Variants in MET observed in about 807,000 individuals in gnomAD.
The protein encoded by MET is hepatocyte growth factor receptor.
A neutral mutation model predicts 133.1 loss-of-function variants in MET; 48 were observed. The ratio of observed to expected loss-of-function variants is 0.36; its 90% CI spans 0.29 to 0.46. MET has a LOEUF of 0.46. MET is among the 20% of genes least tolerant of loss of function. The probability of loss-of-function intolerance (pLI) is 1.00; values close to 1 mark genes in which losing one functional copy is unlikely to be tolerated. For synonymous variants in MET, 628 were observed against 616.5 expected (o/e 1.02, Z -0.28); for missense variants, 1,442 against 1,695.9 (o/e 0.85, Z 2.63).
chr7:116,692,729 A>G (rs1796816601), intron 1 of MET, among the ~76,000 whole-genome samples: 1 of 152,206 alleles, frequency 6.6e-6, no homozygotes, highest in Non-Finnish European at 1.5e-5. Flanking sequence ...TGCCATTGAG[A>G]TGATCACTCC....
In MET at chr7:116,740,986, G is replaced by A. The variant is rs779328011; in HGVS notation, c.1662G>A (p.Gly554=). The A allele has an allele frequency of 1.9e-6, 3 of 1,613,920 alleles. No homozygotes were observed. Among genetic ancestry groups the A allele is most frequent in the Non-Finnish European group, 2.5e-6 (3 of 1,180,012 alleles). The change falls in exon 5 of 21, where the codon GGG becomes GGA. Residue 554 remains glycine (G), a synonymous_variant. Transcript: ENST00000397752. The part of the protein sequence containing the change: ...KCVRSEECLS[G]TWTQQICLPA... Reference sequence around the variant, plus strand: ...TGCGATCGGAGGAATGCCTGAGCGGGACATGGACTCAACAGATCTGTCTGC... The same window carrying A: ...TGCGATCGGAGGAATGCCTGAGCGGAACATGGACTCAACAGATCTGTCTGC...
At chr7:116,755,044 A>G (rs560159298) in intron 5 of MET, among the ~76,000 whole-genome samples, 26 of 143,656 alleles carry the variant, frequency 1.8e-4, no homozygotes, top group Admixed American at 2.8e-4. Flanking sequence ...AAGAAAGAAA[A>G]GAAAGAAAGA....
chr7:116,791,976 G>T (rs1348514662), intron 19 of MET, among the ~76,000 whole-genome samples: 1 of 152,118 alleles, frequency 6.6e-6, no homozygotes, highest in Non-Finnish European at 1.5e-5. Context: ...CATTTTTCTA[G>T]TCTGTGGATT....
At chr7:116,791,713 G>A (rs1019499355) in intron 19 of MET, among the ~76,000 whole-genome samples, 1 of 152,100 alleles carries the variant, frequency 6.6e-6, no homozygotes, top group African/African-American at 2.4e-5. Context: ...CACCCAGCCT[G>A]AAGTGCAGTG....
chr7:116,776,284 G>T (rs541087395), intron 15 of MET, among the ~76,000 whole-genome samples: 1 of 152,236 alleles, frequency 6.6e-6, no homozygotes, highest in East Asian at 1.9e-4. Flanking sequence ...GTAATCCTTT[G>T]TGTGCTCCTT....
intron 3 of MET, 127 bp from the exon 4 acceptor site, chr7:116,739,823 G>C (rs1793373294): frequency 7.7e-7 from 1 of 1,303,988 alleles, no homozygotes; most frequent in Non-Finnish European, 1.1e-6. Context: ...GAGGGGAACT[G>C]TTGGGTCTTC....
intron 14 of MET, among the ~76,000 whole-genome samples, chr7:116,774,599 A>G (rs1416923559): frequency 6.6e-6 from 1 of 152,206 alleles, no homozygotes; most frequent in Admixed American, 6.5e-5. Flanking sequence ...TCTTAAGGAC[A>G]TAGTATATTC....
intron 1 of MET, among the ~76,000 whole-genome samples, chr7:116,683,643 T>A (rs1796440800): frequency 6.6e-6 from 1 of 152,198 alleles, no homozygotes; most frequent in Admixed American, 6.5e-5. Flanking sequence ...GTCATTCAAC[T>A]CAAGCAGTCT....
intron 14 of MET, 113 bp from the exon 15 acceptor site, chr7:116,774,768 C>A (rs1393653506): frequency 3.7e-6 from 3 of 815,960 alleles, no homozygotes; most frequent in Non-Finnish European, 6.0e-6. Context: ...TATCTTTTCC[C>A]AATTTATTAT....
intron 1 of MET, among the ~76,000 whole-genome samples, chr7:116,691,559 C>T (rs1796779204): frequency 6.6e-6 from 1 of 152,198 alleles, no homozygotes; most frequent in South Asian, 2.1e-4. Context: ...AGAAATTTTA[C>T]TGGCTCGCCT....
chr7:116,774,699 T>C (rs563064456), intron 14 of MET, among the ~76,000 whole-genome samples, 182 bp from the exon 15 acceptor site: 1 of 152,328 alleles, frequency 6.6e-6, no homozygotes, highest in South Asian at 2.1e-4. Flanking sequence ...AATTAATACT[T>C]AGTCTACTTA....
At chr7:116,758,681 G>C (rs34986275) in intron 9 of MET, 61 bp downstream of exon 9, 3 of 1,542,456 alleles carry the variant, frequency 1.9e-6, no homozygotes, top group East Asian at 2.3e-5. Context: ...TTTTGCTGTA[G>C]AATAGTCAAG....
intron 2 of MET, among the ~76,000 whole-genome samples, chr7:116,729,303 T>C (rs1448240893): frequency 6.6e-6 from 1 of 152,196 alleles, no homozygotes; most frequent in Non-Finnish European, 1.5e-5. Context: ...TTAGCATCTC[T>C]AAGTTTCTAT....
Position 116,796,589 on chromosome 7 carries a change from T to G in MET, c.*465T>G, listed in dbSNP as rs1795686396. ...TGTGTTGTATGGTCAATAACATTTT[T>G]CATTACTGATGGTGTCATTCACCCA... On this transcript the variant is annotated 3_prime_UTR_variant, in exon 21 of 21. Coordinates refer to ENST00000397752, the MANE Select transcript of MET (RefSeq NM_000245.4). 4 of 299,942 alleles carry G rather than the reference T, an allele frequency of 1.3e-5. No homozygotes were observed. The South Asian group carries it at 2.7e-4, about 20-fold the overall frequency. The allele number at this position is 299,942 out of a possible 1,614,324, so 18.6% of individuals were successfully genotyped here. A position where few individuals can be genotyped will look rare whatever the true frequency, so the allele number is the denominator to read the frequency against.
rs551063692 is a variant in MET at position 116,793,177 on chromosome 7, CTT to C, written c.3799-2464_3799-2463del. Among the ~76,000 whole-genome samples, 127 of 141,822 alleles carry C rather than the reference CTT, an allele frequency of 9.0e-4. 1 individual carries two copies. The East Asian group carries it at 0.023, about 25-fold the overall frequency. 93.0% of individuals were successfully genotyped at this position (141,822 alleles called of 152,430 possible). On this transcript the variant is annotated intron_variant, in intron 19 of 20. Transcript: ENST00000397752. ...CATTGATTTCAGTCTAACGCACTTT[CTT>C]TTTTTTTTTTTTTGAGACGGAGTCT...
chr7:116,768,603 C>T (rs1794717906), intron 11 of MET, among the ~76,000 whole-genome samples: 1 of 152,178 alleles, frequency 6.6e-6, no homozygotes, highest in Admixed American at 6.5e-5. Flanking sequence ...AACTGCCTGA[C>T]CAATCAATCT....
At chr7:116,772,925 C>T (rs180773571) in intron 14 of MET, among the ~76,000 whole-genome samples, 5 of 152,134 alleles carry the variant, frequency 3.3e-5, no homozygotes, top group Admixed American at 6.5e-5. Flanking sequence ...TTCGTTTAAC[C>T]GTGTGGAAAA....
At chr7:116,687,525 C>G (rs1044724117) in intron 1 of MET, among the ~76,000 whole-genome samples, 1 of 152,134 alleles carries the variant, frequency 6.6e-6, no homozygotes, top group Non-Finnish European at 1.5e-5. Flanking sequence ...TATGTTCACC[C>G]AAGGAATCCA....
At chr7:116,730,360 C>T (rs1323791991) in intron 2 of MET, among the ~76,000 whole-genome samples, 2 of 152,162 alleles carry the variant, frequency 1.3e-5, no homozygotes, top group East Asian at 1.9e-4. Flanking sequence ...GGGAGCCATA[C>T]AGTCCATGTT....
Sources: gnomAD v4.1 joint callset for allele counts (sites outside exome capture counted in the v4.1 genomes callset) on GRCh38, gnomAD v4.1.1 for gene constraint, MANE v1.5 for transcripts, NCBI Gene and HGNC (gene_info 2026-07-23, HGNC 2026-07-21) for gene names.